Variants in AVEN observed in about 807,000 individuals in gnomAD.
AVEN encodes the protein cell death regulator Aven.
Under a neutral mutation model 38.1 loss-of-function variants are expected in AVEN, and 41 were observed. The observed-to-expected ratio is 1.08, with a 90% CI of 0.84 to 1.40. AVEN has a LOEUF of 1.40. Ranked by LOEUF, AVEN falls within the 40% of genes most tolerant of loss-of-function variation. The pLI is 0.00. For missense variants in AVEN, 605 were observed against 438.8 expected, an observed-to-expected ratio of 1.38 and a Z score of -3.38; for synonymous variants, 206 against 171.8, an observed-to-expected ratio of 1.20 and a Z score of -1.56.
chr15:34,051,981 C>T (rs1356315667), intron 5 of AVEN, among the ~76,000 whole-genome samples: 1 of 152,176 alleles, frequency 6.6e-6, no homozygotes, highest in African/African-American at 2.4e-5. Context: ...AGGGACTCCT[C>T]CCTGACTCAT....
At chr15:34,038,664 G>A (rs1184201802) in intron 1 of AVEN, 116 bp downstream of exon 1, 3 of 1,004,068 alleles carry the variant, frequency 3.0e-6, no homozygotes, top group African/African-American at 1.7e-5. Context: ...AGGCGCCGGC[G>A]CCGCCGCCCG....
rs545771102 is a variant in AVEN at position 33,930,238 on chromosome 15, G to A, written c.446-54243C>T. 7.7e-4 allele frequency among the ~76,000 whole-genome samples: 117 copies of A among 152,042 alleles called. 2 individuals are homozygous for A. Among genetic ancestry groups the A allele is most frequent in the African/African-American group, 2.6e-3 (106 of 41,452 alleles). On this transcript the variant is annotated intron_variant, in intron 2 of 5. Coordinates refer to ENST00000306730, the MANE Select transcript of AVEN (RefSeq NM_020371.3). ...AAGAGTGAGCAGAACCATGTCCCAAGGAGATTTTATTATGGACCTGATTTG... is the reference window on the plus strand; with the variant it reads ...AAGAGTGAGCAGAACCATGTCCCAAAGAGATTTTATTATGGACCTGATTTG...
At position 33,859,669 on chromosome 15, in the gene AVEN, G is replaced by A. The variant is rs1165592216; in HGVS notation, n.2730-575C>T. 2.5e-6 allele frequency: 4 copies of A among 1,613,810 alleles called. No homozygotes were observed. The highest frequency in any genetic ancestry group is 2.5e-6 in the Non-Finnish European group (3 of 1,179,820). On this transcript the variant is annotated intron_variant and non_coding_transcript_variant, in intron 11 of 11. Coordinates refer to the AVEN transcript ENST00000675287. ...GCTGGTGATCCTTATGAAATGTATC[G>A]CATTGTCTTTGACATTACCTTTTTC...
chr15:33,922,198 C>T (rs1410368806), intron 2 of AVEN, among the ~76,000 whole-genome samples: 1 of 152,150 alleles, frequency 6.6e-6, no homozygotes, highest in African/African-American at 2.4e-5. Flanking sequence ...TATGCAACCA[C>T]TGGAGTACAA....
chr15:33,886,189 G>C (rs1891691503), intron 2 of AVEN, among the ~76,000 whole-genome samples: 1 of 152,132 alleles, frequency 6.6e-6, no homozygotes, highest in African/African-American at 2.4e-5. Context: ...ATCTCATCTT[G>C]AATTGTAGTT....
At chr15:33,918,253 A>T (rs1439461275) in intron 2 of AVEN, among the ~76,000 whole-genome samples, 2 of 152,176 alleles carry the variant, frequency 1.3e-5, no homozygotes, top group Non-Finnish European at 2.9e-5. Context: ...TCAACATTTT[A>T]AAACTGCTTG....
downstream of AVEN, chr15:33,865,269 C>T: frequency 1.4e-6 from 2 of 1,429,120 alleles, no homozygotes; most frequent in Middle Eastern, 1.8e-4. Context: ...AGTCAACTTC[C>T]CATGAAATAA....
intron 1 of AVEN, among the ~76,000 whole-genome samples, chr15:34,021,375 T>C (rs1418286323): frequency 6.6e-6 from 1 of 151,642 alleles, no homozygotes; most frequent in Non-Finnish European, 1.5e-5. Context: ...AACCTCTGCC[T>C]CCCGGGTTCA....
intron 3 of AVEN, among the ~76,000 whole-genome samples, chr15:33,873,512 C>T (rs1180282041): frequency 6.8e-6 from 1 of 147,656 alleles, no homozygotes; most frequent in African/African-American, 2.5e-5. Flanking sequence ...TATATATATA[C>T]ACTCAACATA....
At chr15:33,867,953 G>A (rs552659260) in intron 4 of AVEN, 98 bp from the exon 5 acceptor site, 139 of 1,444,586 alleles carry the variant, frequency 9.6e-5, no homozygotes, top group Non-Finnish European at 1.2e-4. Context: ...CAAACTTTGT[G>A]ACAGAGGAAA....
intron 2 of AVEN, among the ~76,000 whole-genome samples, chr15:33,990,211 A>C (rs1051415327): frequency 9.9e-5 from 15 of 151,712 alleles, no homozygotes; most frequent in Admixed American, 2.0e-4. Flanking sequence ...CTCAAAAAAA[A>C]ACAAAACAAA....
At chr15:33,903,130 G>T (rs1892555205) in intron 2 of AVEN, among the ~76,000 whole-genome samples, 1 of 152,148 alleles carries the variant, frequency 6.6e-6, no homozygotes, top group Non-Finnish European at 1.5e-5. Context: ...CGTAAATGAG[G>T]CCACATTGAT....
chr15:33,951,328 T>C (rs116830894), intron 2 of AVEN, among the ~76,000 whole-genome samples: 1,957 of 152,130 alleles, frequency 0.013, 47 homozygotes, highest in African/African-American at 0.044. Flanking sequence ...CATGTCAATT[T>C]AATACTTCTA....
At chr15:33,929,549 T>C (rs762636311) in intron 2 of AVEN, among the ~76,000 whole-genome samples, 1 of 152,200 alleles carries the variant, frequency 6.6e-6, no homozygotes, top group Non-Finnish European at 1.5e-5. Context: ...AAATTACTAA[T>C]GCTTCAAGGA....
intron 1 of AVEN, among the ~76,000 whole-genome samples, chr15:34,036,695 T>C (rs1314725325): frequency 6.6e-6 from 1 of 152,170 alleles, no homozygotes; most frequent in Non-Finnish European, 1.5e-5. Context: ...GCTGAAAACA[T>C]GATGATGAAG....
chr15:33,944,484 C>T (rs938145029), intron 2 of AVEN, among the ~76,000 whole-genome samples: 2 of 152,128 alleles, frequency 1.3e-5, no homozygotes, highest in African/African-American at 2.4e-5. Context: ...ACAATACCTG[C>T]GTGTGGAATG....
In AVEN at chr15:33,867,771, A is replaced by G. The variant is rs1890716246; in HGVS notation, c.697T>C (p.Leu233=). The change falls in exon 5 of 6, where the codon TTG becomes CTG. Residue 233 remains leucine, a synonymous_variant. Coordinates refer to ENST00000306730, the MANE Select transcript of AVEN (RefSeq NM_020371.3). Reference sequence around the variant, plus strand: ...ATGGGCCCCCTTCCTCCAGGCCCCAAGGGCCCCTTTAACTGCATCCCTAAT... The same window carrying G: ...ATGGGCCCCCTTCCTCCAGGCCCCAGGGGCCCCTTTAACTGCATCCCTAAT... The part of the protein sequence containing the change: ...KGLGMQLKGP[L]GPGGRGPIFE... 2 of 1,614,032 alleles carry G rather than the reference A, an allele frequency of 1.2e-6. No individual in the cohort carries two copies. Among genetic ancestry groups the G allele is most frequent in the Non-Finnish European group, 1.7e-6 (2 of 1,180,024 alleles).
At chr15:33,947,461 G>A (rs193002726) in intron 2 of AVEN, among the ~76,000 whole-genome samples, 1 of 152,198 alleles carries the variant, frequency 6.6e-6, no homozygotes, top group Non-Finnish European at 1.5e-5. Flanking sequence ...TGCGTTTGGG[G>A]ACCACATCCA....
chr15:33,873,735 C>G (rs189102545), intron 3 of AVEN, among the ~76,000 whole-genome samples: 1 of 151,962 alleles, frequency 6.6e-6, no homozygotes, highest in Non-Finnish European at 1.5e-5. Context: ...ACCTCCAACT[C>G]GAACTGTTCA....
Sources: allele counts gnomAD v4.1 joint callset (sites outside exome capture counted in the v4.1 genomes callset), GRCh38; gene constraint gnomAD v4.1.1; transcripts MANE v1.5; gene names NCBI Gene and HGNC (gene_info 2026-07-23, HGNC 2026-07-21).